The following KLRK1 variants were observed in gnomAD, a reference collection of about 807,000 sequenced individuals.
KLRK1 encodes the protein NKG2-D type II integral membrane protein.
KLRK1 carries 40 observed loss-of-function variants against 31.3 expected under a neutral mutation model. That is an observed-to-expected ratio of 1.28 (90% CI 0.99 to 1.67). KLRK1 has a LOEUF of 1.67. KLRK1 is among the 40% of genes most tolerant of loss of function. KLRK1 has a pLI of 0.00. For synonymous variants in KLRK1, 77 were observed against 77.3 expected, an observed-to-expected ratio of 1.00 and a Z score of 0.02; for missense variants, 251 against 260.0, an observed-to-expected ratio of 0.97 and a Z score of 0.24.
At chr12:10,373,485 T>C (rs1288623028) in intron 7 of KLRK1, among the ~76,000 whole-genome samples, 1 of 152,212 alleles carries the variant, frequency 6.6e-6, no homozygotes. Context: ...TCTTCATATG[T>C]ATACCCAAGT....
intron 2 of KLRK1, 46 bp from the exon 3 acceptor site, chr12:10,387,056 C>A: frequency 6.8e-7 from 1 of 1,472,200 alleles, no homozygotes; most frequent in South Asian, 1.3e-5. Flanking sequence ...GCCTTTCTGC[C>A]ATTTGGGGCA....
At chr12:10,374,293 G>A (rs1862919633) in intron 7 of KLRK1, among the ~76,000 whole-genome samples, 1 of 152,046 alleles carries the variant, frequency 6.6e-6, no homozygotes, top group Admixed American at 6.6e-5. Flanking sequence ...GATTACAGGT[G>A]TGAGCCACTG....
Position 10,373,120 on chromosome 12 carries a change from A to T in KLRK1, c.645T>A (p.Thr215=), listed in dbSNP as rs149731806. 21 of 1,611,734 alleles carry T rather than the reference A, an allele frequency of 1.3e-5. No homozygotes were observed. The highest frequency in any genetic ancestry group is 2.5e-6 in the Non-Finnish European group (3 of 1,179,032). ...TTGAGATGGTTGATCATCTTTACAC[A>T]GTCCTTTGCATGCAGATGTACGTAT... ...TPNTYICMQR[T]V Residue 215 remains threonine, a synonymous_variant, in exon 8 of 8, where the codon ACT becomes ACA. Coordinates refer to ENST00000240618, the MANE Select transcript of KLRK1 (RefSeq NM_007360.4).
rs1254841146 is a variant in KLRK1, at chr12:10,378,138, G to C, written c.527C>G (p.Pro176Arg). The C allele has an allele frequency of 1.9e-6, 3 of 1,613,928 alleles. No individual in the cohort carries two copies. In the South Asian group the frequency reaches 3.3e-5, roughly 18 times the overall value. Residue 176 changes from proline to arginine, a missense_variant, in exon 7 of 8, where the codon CCC becomes CGC. Coordinates refer to ENST00000240618, the MANE Select transcript of KLRK1 (RefSeq NM_007360.4). The part of the protein sequence containing the change: ...WQWEDGSILS[P>R]NLLTIIEMQK... ...CATTGGGTCAGAGACTTACAGGTTG[G>C]GTGAGAGAATGGAGCCATCTTCCCA...
At chr12:10,379,998 T>C (rs1300837091) in intron 3 of KLRK1, among the ~76,000 whole-genome samples, 2 of 151,836 alleles carry the variant, frequency 1.3e-5, no homozygotes, top group African/African-American at 4.8e-5. Flanking sequence ...CTTCTATACT[T>C]CTCTACAAGT....
rs529758760 is a variant in KLRK1 at position 10,384,440 on chromosome 12, T to C, written c.148+2463A>G. 5.3e-4 allele frequency among the ~76,000 whole-genome samples: 80 copies of C among 151,946 alleles called. 1 individual carries two copies. The highest frequency in any genetic ancestry group is 1.6e-4 in the Non-Finnish European group (11 of 67,828). ...TAAAACAGAATAGACAACCCAGGAA[T>C]AAATCCATGTATTATAGCCAACTGA... On this transcript the variant is annotated intron_variant, in intron 3 of 7. Coordinates refer to ENST00000240618, the MANE Select transcript of KLRK1 (RefSeq NM_007360.4).
chr12:10,374,010 T>C (rs1862912515), intron 7 of KLRK1: 1 of 152,228 alleles, frequency 6.6e-6, no homozygotes, highest in Non-Finnish European at 1.5e-5. Context: ...AAAGAGTTTT[T>C]GTTTTGTTGT....
chr12:10,379,316 C>T, intron 5 of KLRK1, 131 bp downstream of exon 5: 1 of 321,618 alleles, frequency 3.1e-6, no homozygotes, highest in Non-Finnish European at 5.2e-6. Context: ...AAAAGGAAAA[C>T]AGAAGCCATA....
chr12:10,380,056 ATTGT>A (rs1451596531), intron 3 of KLRK1, among the ~76,000 whole-genome samples: 6 of 98,482 alleles, frequency 6.1e-5, no homozygotes, highest in African/African-American at 1.1e-4. Flanking sequence ...TTTTGTTGTT[ATTGT>A]TTTTTTTTTT....
chr12:10,388,729 T>G (rs757985286), intron 2 of KLRK1, 42 bp downstream of exon 2: 1 of 1,612,830 alleles, frequency 6.2e-7, no homozygotes, highest in South Asian at 1.1e-5. Context: ...ATCTTAAAAT[T>G]GTATAAAAAC....
chr12:10,375,588 C>T (rs1862949709), intron 7 of KLRK1, among the ~76,000 whole-genome samples: 1 of 152,070 alleles, frequency 6.6e-6, no homozygotes, highest in South Asian at 2.1e-4. Context: ...TATCTAAAGT[C>T]CCCTTGAAAT....
chr12:10,383,186 C>T (rs1389021094), intron 3 of KLRK1, among the ~76,000 whole-genome samples: 1 of 151,892 alleles, frequency 6.6e-6, no homozygotes, highest in East Asian at 1.9e-4. Context: ...GCTAAATTCT[C>T]CAAGTAAAAG....
chr12:10,372,864 GCTTGTGGTGGGAGAGGCAGC>G lies in KLRK1; in HGVS notation c.*230_*249del. 2.4e-6 allele frequency: 1 copy of G among 413,034 alleles called. No homozygotes were observed. The highest frequency in any genetic ancestry group is 2.7e-5 in the South Asian group (1 of 36,808). The allele number at this position is 413,034 out of a possible 1,614,324, so 25.6% of individuals were successfully genotyped here. On this transcript the variant is annotated 3_prime_UTR_variant, in exon 8 of 8. Transcript: ENST00000240618. ...CCCTCCCCCAGCCCATCCACTCTGG[GCTTGTGGTGGGAGAGGCAGC>G]CTTGGGGATATCTGAATTGCCTTTA... is the stretch of plus-strand genomic sequence containing the variant.
rs187269525 is a variant in KLRK1 at position 10,383,709 on chromosome 12, T to G, written c.148+3194A>C. On this transcript the variant is annotated intron_variant, in intron 3 of 7. Coordinates refer to ENST00000240618, the MANE Select transcript of KLRK1 (RefSeq NM_007360.4). Reference sequence around the variant, plus strand: ...TGCTGCAAAATACACATTCTTCTTATCAGCACATGGAACATTCATCAGGAC... The same window carrying G: ...TGCTGCAAAATACACATTCTTCTTAGCAGCACATGGAACATTCATCAGGAC... 3.3e-5 allele frequency among the ~76,000 whole-genome samples: 5 copies of G among 152,198 alleles called. No individual in the cohort carries two copies. In the East Asian group the frequency reaches 5.8e-4, roughly 18 times the overall value.
At chr12:10,381,163 C>T (rs1863067383) in intron 3 of KLRK1, among the ~76,000 whole-genome samples, 2 of 151,950 alleles carry the variant, frequency 1.3e-5, no homozygotes, top group Non-Finnish European at 2.9e-5. Flanking sequence ...ATTCCCAGAG[C>T]CACTCACTTG....
At chr12:10,380,730 C>T (rs992590681) in intron 3 of KLRK1, among the ~76,000 whole-genome samples, 3 of 152,154 alleles carry the variant, frequency 2.0e-5, no homozygotes, top group African/African-American at 7.2e-5. Context: ...CTCCACATTC[C>T]TCACGATCCC....
intron 3 of KLRK1, among the ~76,000 whole-genome samples, chr12:10,380,644 G>A (rs974332697): frequency 6.6e-6 from 1 of 152,130 alleles, no homozygotes; most frequent in African/African-American, 2.4e-5. Context: ...TCTCCACTGA[G>A]GAGAAAAGGT....
chr12:10,377,013 C>A (rs556691524), intron 7 of KLRK1, among the ~76,000 whole-genome samples: 1 of 152,198 alleles, frequency 6.6e-6, no homozygotes, highest in African/African-American at 2.4e-5. Flanking sequence ...GACAGGGTTT[C>A]ACTGCATTGG....
At chr12:10,376,022 TG>T (rs1282706976) in intron 7 of KLRK1, among the ~76,000 whole-genome samples, 2 of 152,162 alleles carry the variant, frequency 1.3e-5, no homozygotes, top group Admixed American at 1.3e-4. Flanking sequence ...TGTAAAGATA[TG>T]CAGAAGGTCA....
Sources: allele counts gnomAD v4.1 joint callset (sites outside exome capture counted in the v4.1 genomes callset), GRCh38; gene constraint gnomAD v4.1.1; transcripts MANE v1.5; gene names NCBI Gene and HGNC (gene_info 2026-07-23, HGNC 2026-07-21).